Variants in APCDD1L observed in about 807,000 individuals in gnomAD.
APCDD1L encodes APC down-regulated 1 like, also known as protein APCDD1-like.
In APCDD1L, 21 loss-of-function variants were observed where a neutral mutation model predicts 24.2. The ratio of observed to expected loss-of-function variants is 0.87; its 90% CI spans 0.61 to 1.25. APCDD1L has a LOEUF of 1.25. Ranked by LOEUF, APCDD1L falls within the 50% of genes most tolerant of loss-of-function variation. APCDD1L has a pLI of 0.00. For synonymous variants in APCDD1L, 321 were observed against 323.6 expected, an observed-to-expected ratio of 0.99 and a Z score of 0.09; for missense variants, 704 against 711.7, an observed-to-expected ratio of 0.99 and a Z score of 0.12.
rs568942419 is a variant in APCDD1L, at chr20:58,465,438, C to A, written c.741+1668G>T. On this transcript the variant is annotated intron_variant, in intron 3 of 3. Transcript: ENST00000371149. Reference sequence around the variant, plus strand: ...GGTACTACCAGGGGTTAGAAGTTGCCTCATTGGTTTAGTTCCTTGAGTGTC... The same window carrying A: ...GGTACTACCAGGGGTTAGAAGTTGCATCATTGGTTTAGTTCCTTGAGTGTC... Among the ~76,000 whole-genome samples the A allele has an allele frequency of 5.3e-5, 8 of 152,226 alleles. No homozygotes were observed. In the East Asian group the frequency reaches 1.4e-3, roughly 26 times the overall value.
chr20:58,471,666 G>A (rs959323966), intron 1 of APCDD1L, among the ~76,000 whole-genome samples: 3 of 152,262 alleles, frequency 2.0e-5, no homozygotes, highest in Non-Finnish European at 4.4e-5. Flanking sequence ...CTGCTAAAGA[G>A]CAGCAGCTCT....
intron 1 of APCDD1L, among the ~76,000 whole-genome samples, chr20:58,512,105 A>AC (rs1437005846): frequency 6.6e-6 from 1 of 152,220 alleles, no homozygotes; most frequent in Non-Finnish European, 1.5e-5. Flanking sequence ...GACTACCCAT[A>AC]CCGCAGCCTG....
intron 1 of APCDD1L, among the ~76,000 whole-genome samples, chr20:58,485,143 TACAC>T (rs3069429): frequency 2.7e-4 from 40 of 149,702 alleles, no homozygotes; most frequent in South Asian, 1.9e-3. Flanking sequence ...TAGGTTGTGG[TACAC>T]ACACACACAC....
In APCDD1L at chr20:58,467,568, C is replaced by T; in HGVS notation, c.279G>A (p.Glu93=). The T allele has an allele frequency of 6.3e-7, 1 of 1,580,646 alleles. No individual in the cohort carries two copies. The highest frequency in any genetic ancestry group is 8.6e-7 in the Non-Finnish European group (1 of 1,163,068). The part of the protein sequence containing the change: ...RLFRAHQFYY[E]DPFCGEPAHS... ...GGGCAGGTTCCCCGCAGAAGGGGTCCTCGTAGTAGAACTGGTGGGCTCGAA... is the reference window on the plus strand; with the variant it reads ...GGGCAGGTTCCCCGCAGAAGGGGTCTTCGTAGTAGAACTGGTGGGCTCGAA... Residue 93 remains glutamate (E), a synonymous_variant, in exon 3 of 4, where the codon GAG becomes GAA. Transcript: ENST00000371149. This position sits in a 1 kb window ranked among gnomAD's most constrained non-coding sequence, Gnocchi z 5.9.
At chr20:58,488,478 C>T (rs1990166283) in intron 1 of APCDD1L, among the ~76,000 whole-genome samples, 1 of 152,180 alleles carries the variant, frequency 6.6e-6, no homozygotes, top group Non-Finnish European at 1.5e-5. Context: ...CTAGGCCATA[C>T]AATGTCTCAA....
intron 2 of APCDD1L, among the ~76,000 whole-genome samples, chr20:58,469,253 G>A (rs1397720926): frequency 2.6e-5 from 4 of 152,072 alleles, no homozygotes; most frequent in African/African-American, 9.7e-5. Flanking sequence ...ATATATTTTA[G>A]TAAATAAAAG....
chr20:58,495,389 G>A (rs529283307), intron 1 of APCDD1L, among the ~76,000 whole-genome samples: 2 of 152,338 alleles, frequency 1.3e-5, no homozygotes, highest in South Asian at 2.1e-4. Flanking sequence ...GCCGGCCCTT[G>A]GGGCCAGATA....
rs1989732148 is a variant in APCDD1L at position 58,467,388 on chromosome 20, G to T, written c.459C>A (p.Arg153=). The change falls in exon 3 of 4, where the codon CGC becomes CGA. Residue 153 remains arginine, a synonymous_variant. Coordinates refer to ENST00000371149, the MANE Select transcript of APCDD1L (RefSeq NM_153360.3). This position sits in a 1 kb window ranked among gnomAD's most constrained non-coding sequence, Gnocchi z 5.9. ...GCCGCCGCGCGCAGTCCCGGCCGGC[G>T]CGGGTCTGGTTGAGGCGCCCGGTGA... The part of the protein sequence containing the change: ...VDVTGRLNQT[R]AGRDCARRLP... 1 of 1,515,180 alleles carries T rather than the reference G, an allele frequency of 6.6e-7. No homozygotes were observed. The highest frequency in any genetic ancestry group is 8.8e-7 in the Non-Finnish European group (1 of 1,135,082). The allele number at this position is 1,515,180 out of a possible 1,614,324, so 93.9% of individuals were successfully genotyped here.
In APCDD1L at chr20:58,508,842, C is replaced by T. The variant is rs970210572; in HGVS notation, c.49+5817G>A. Among the ~76,000 whole-genome samples the T allele has an allele frequency of 5.3e-5, 8 of 152,172 alleles. No homozygotes were observed. The highest frequency in any genetic ancestry group is 1.4e-4 in the African/African-American group (6 of 41,518). On this transcript the variant is annotated intron_variant, in intron 1 of 3. Coordinates refer to ENST00000371149, the MANE Select transcript of APCDD1L (RefSeq NM_153360.3). This position sits in a 1 kb window ranked among gnomAD's most constrained non-coding sequence, Gnocchi z 4.0. The stretch of plus-strand genomic sequence containing the variant: ...CAGGGAAACAGGTAATGATAGGCCA[C>T]GGTGTATGGAGAGTGAGGGGTGCCG...
At chr20:58,465,729 C>T (rs771336168) in intron 3 of APCDD1L, among the ~76,000 whole-genome samples, 4 of 152,184 alleles carry the variant, frequency 2.6e-5, no homozygotes, top group East Asian at 1.9e-4. Context: ...ATGGAGGCAA[C>T]GAGCCCCAGT....
In APCDD1L at chr20:58,509,888, A is replaced by G. The variant is rs111963562; in HGVS notation, c.49+4771T>C. ...GAACACTCCATTGCTCTTAATATAA[A>G]GTCCAACTCTTTTCTGAGGCCCCAC... is the stretch of plus-strand genomic sequence containing the variant. On this transcript the variant is annotated intron_variant, in intron 1 of 3. Transcript: ENST00000371149. Among the ~76,000 whole-genome samples the G allele has an allele frequency of 4.8e-3, 730 of 152,250 alleles. 7 individuals carry two copies. Among genetic ancestry groups the G allele is most frequent in the Non-Finnish European group, 8.0e-3 (542 of 67,994 alleles).
Position 58,461,658 on chromosome 20 carries a change from G to T in APCDD1L, c.742-104C>A. 8.3e-7 allele frequency: 1 copy of T among 1,199,282 alleles called. No individual in the cohort carries two copies. The highest frequency in any genetic ancestry group is 1.1e-6 in the Non-Finnish European group (1 of 930,398). 74.3% of individuals were successfully genotyped at this position (1,199,282 alleles called of 1,614,324 possible). On this transcript the variant is annotated intron_variant, in intron 3 of 3. Coordinates refer to ENST00000371149, the MANE Select transcript of APCDD1L (RefSeq NM_153360.3). The surrounding 1 kb of genome is among the most constrained non-coding windows in gnomAD (Gnocchi z 6.0). ...CTGTAGGGGTGTCAAGGCAGGGTGAGGTGCGGCCTGTCCCTCCCTCCTCTC... is the reference window on the plus strand; with the variant it reads ...CTGTAGGGGTGTCAAGGCAGGGTGATGTGCGGCCTGTCCCTCCCTCCTCTC...
chr20:58,495,337 G>T (rs546459903), intron 1 of APCDD1L, among the ~76,000 whole-genome samples: 2 of 152,318 alleles, frequency 1.3e-5, no homozygotes, highest in African/African-American at 4.8e-5. Flanking sequence ...CCTTCTGAGT[G>T]TGGGACCATG....
At position 58,508,573 on chromosome 20, in the gene APCDD1L, G is replaced by A. The variant is rs761125511; in HGVS notation, c.49+6086C>T. 5.9e-5 allele frequency among the ~76,000 whole-genome samples: 9 copies of A among 152,212 alleles called. No homozygotes were observed. Among genetic ancestry groups the A allele is most frequent in the South Asian group, 2.1e-4 (1 of 4,826 alleles). ...GAGGACAATGGAGCAGAGGACTGGC[G>A]GAGGGGAGGTGGCTGGGGAGGCCCT... On this transcript the variant is annotated intron_variant, in intron 1 of 3. Transcript: ENST00000371149. This position sits in a 1 kb window ranked among gnomAD's most constrained non-coding sequence, Gnocchi z 4.0.
rs905928348 is a variant in APCDD1L at position 58,514,767 on chromosome 20, G to A, written c.-60C>T. Reference sequence around the variant, plus strand: ...TGCCACGGTGCGCAAGGGGAGGCGCGGGCGCAGGGCTCTCGGACGGCTGCG... The same window carrying A: ...TGCCACGGTGCGCAAGGGGAGGCGCAGGCGCAGGGCTCTCGGACGGCTGCG... On this transcript the variant is annotated 5_prime_UTR_variant, in exon 1 of 4. Transcript: ENST00000371149. 3.0e-5 allele frequency: 37 copies of A among 1,237,236 alleles called. No individual in the cohort carries two copies. The African/African-American group carries it at 4.3e-4, about 14-fold the overall frequency. 76.6% of individuals were successfully genotyped at this position (1,237,236 alleles called of 1,614,324 possible). A position where few individuals can be genotyped will look rare whatever the true frequency, so the allele number is the denominator to read the frequency against.
intron 1 of APCDD1L, among the ~76,000 whole-genome samples, chr20:58,500,162 G>C (rs1990404503): frequency 6.6e-6 from 1 of 152,138 alleles, no homozygotes; most frequent in Admixed American, 6.5e-5. Flanking sequence ...AGATTTTTCA[G>C]CATTTTTTCT....
intron 1 of APCDD1L, among the ~76,000 whole-genome samples, chr20:58,513,215 T>A (rs1434488856): frequency 2.0e-5 from 3 of 152,160 alleles, no homozygotes; most frequent in Non-Finnish European, 2.9e-5. Flanking sequence ...GTCCTCCCTA[T>A]CTCAGCACCC....
intron 1 of APCDD1L, among the ~76,000 whole-genome samples, chr20:58,479,528 G>A (rs1031197295): frequency 1.3e-5 from 2 of 151,614 alleles, no homozygotes; most frequent in Non-Finnish European, 2.9e-5. Context: ...CTTTGACCCA[G>A]CTTTAGCCCA....
In APCDD1L at chr20:58,467,647, C is replaced by A. The variant is rs1482097793; in HGVS notation, c.200G>T (p.Arg67Leu). 3 of 1,497,498 alleles carry A rather than the reference C, an allele frequency of 2.0e-6. No individual in the cohort carries two copies. Among genetic ancestry groups the A allele is most frequent in the Non-Finnish European group, 1.8e-6 (2 of 1,119,142 alleles). 92.8% of individuals were successfully genotyped at this position (1,497,498 alleles called of 1,614,324 possible). ...GCGGGTCAGGAACTCCGGTCCTGGG[C>A]GCACCTCGCAGCTGCAGGGGTGGAA... ...GPWISTGCEV[R>L]PGPEFLTRAY... Residue 67 changes from arginine (R) to leucine (L), a missense_variant, in exon 3 of 4, where the codon CGC becomes CTC. Physicochemically the swap from Arg to Leu is moderately radical, Grantham distance 102 (BLOSUM62 -2). Transcript: ENST00000371149. This position sits in a 1 kb window ranked among gnomAD's most constrained non-coding sequence, Gnocchi z 5.9.
Sources: gnomAD v4.1 joint callset for allele counts (sites outside exome capture counted in the v4.1 genomes callset) on GRCh38, gnomAD v4.1.1 for gene constraint, Gnocchi (gnomAD v3.1) non-coding constraint, MANE v1.5 for transcripts, NCBI Gene and HGNC (gene_info 2026-07-23, HGNC 2026-07-21) for gene names.